Variants in PKN2 observed in about 807,000 individuals in gnomAD.
PKN2 encodes protein kinase N2, also known as serine/threonine-protein kinase N2.
In PKN2, 38 loss-of-function variants were observed where a neutral mutation model predicts 119.1. The observed-to-expected ratio is 0.32, with a 90% CI of 0.25 to 0.42. The LOEUF is 0.42. Among genes scored for constraint, PKN2 ranks in the 10% least tolerant of loss-of-function variants. PKN2 has a pLI of 1.00. For synonymous variants in PKN2, 390 were observed against 384.9 expected, an observed-to-expected ratio of 1.01 and a Z score of -0.15; for missense variants, 850 against 1,165.1, an observed-to-expected ratio of 0.73 and a Z score of 3.94.
intron 1 of PKN2, 143 bp downstream of exon 1, chr1:88,684,771 A>C (rs1666007302): frequency 1.5e-6 from 1 of 672,182 alleles, no homozygotes; most frequent in Non-Finnish European, 2.3e-6. Flanking sequence ...CACTCGGGAA[A>C]TGCTTCCCTC....
At chr1:88,792,657 AGGTTTTTGTGCC>A (rs1296937013) in intron 8 of PKN2, among the ~76,000 whole-genome samples, 1 of 152,166 alleles carries the variant, frequency 6.6e-6, no homozygotes, top group Non-Finnish European at 1.5e-5. Context: ...AAAAAATACA[AGGTTTTTGTGCC>A]TGCCGTCTTA....
intron 1 of PKN2, among the ~76,000 whole-genome samples, chr1:88,687,352 G>A (rs951754236): frequency 2.6e-5 from 4 of 152,056 alleles, no homozygotes; most frequent in African/African-American, 4.8e-5. Flanking sequence ...AATAAAAATC[G>A]GCTGTTTAAA....
chr1:88,763,607 C>CAAAAAAAAAAAAAAAAAAAAAAAAAAAA (rs34763457), intron 3 of PKN2, among the ~76,000 whole-genome samples: 1 of 103,402 alleles, frequency 9.7e-6, no homozygotes, highest in Non-Finnish European at 2.0e-5. Context: ...AACTCCATCT[C>CAAAAAAAAAAAAAAAAAAAAAAAAAAAA]AAAAAAAAAA....
intron 1 of PKN2, among the ~76,000 whole-genome samples, chr1:88,692,972 C>T (rs1220238039): frequency 6.6e-6 from 1 of 152,142 alleles, no homozygotes; most frequent in Non-Finnish European, 1.5e-5. Context: ...GATTTGTAAA[C>T]TATCCAAATG....
rs182893375 is a variant in PKN2, at chr1:88,721,044, T to C, written c.49-19944T>C. Among the ~76,000 whole-genome samples the C allele has an allele frequency of 1.4e-4, 22 of 152,272 alleles. No individual in the cohort carries two copies. The East Asian group carries it at 3.9e-3, about 27-fold the overall frequency. On this transcript the variant is annotated intron_variant, in intron 1 of 21. Coordinates refer to ENST00000370521, the MANE Select transcript of PKN2 (RefSeq NM_006256.4). Reference sequence around the variant, plus strand: ...GTTAATTGATGGGCATTTGGGCTGGTTCTGTATTTTTGTAATTGCAAATTG... The same window carrying C: ...GTTAATTGATGGGCATTTGGGCTGGCTCTGTATTTTTGTAATTGCAAATTG...
At chr1:88,789,620 G>A (rs10922488) in intron 8 of PKN2, among the ~76,000 whole-genome samples, 1,942 of 151,780 alleles carry the variant, frequency 0.013, 42 homozygotes, top group African/African-American at 0.044. Flanking sequence ...CTGAGATCAC[G>A]CCACTGCACT....
chr1:88,828,740 A>G (rs892407325), intron 19 of PKN2, 117 bp downstream of exon 19: 2 of 783,680 alleles, frequency 2.6e-6, no homozygotes, highest in Non-Finnish European at 3.9e-6. Context: ...AGTTTTATAA[A>G]TATTTATAGT....
intron 1 of PKN2, among the ~76,000 whole-genome samples, chr1:88,734,909 A>G (rs1668277305): frequency 2.0e-5 from 3 of 152,164 alleles, no homozygotes; most frequent in Admixed American, 6.5e-5. Flanking sequence ...TTTCTCCCAC[A>G]TTTGTAATTT....
At chr1:88,827,008 C>A (rs1447993442) in intron 18 of PKN2, among the ~76,000 whole-genome samples, 1 of 151,968 alleles carries the variant, frequency 6.6e-6, no homozygotes, top group Non-Finnish European at 1.5e-5. Flanking sequence ...GCTAATGTAT[C>A]TAATTGTGCC....
chr1:88,784,896 A>G (rs769653985), intron 7 of PKN2, 72 bp downstream of exon 7: 19 of 779,770 alleles, frequency 2.4e-5, no homozygotes, highest in Non-Finnish European at 3.7e-5. Flanking sequence ...TGAAGTGTTC[A>G]AGTTGGACAA....
chr1:88,758,777 C>T (rs1420866970), intron 2 of PKN2, among the ~76,000 whole-genome samples: 2 of 151,950 alleles, frequency 1.3e-5, no homozygotes, highest in African/African-American at 4.8e-5. Flanking sequence ...TTTCTTTATT[C>T]AGTCTGTCAT....
At chr1:88,821,703 C>T (rs1156293626) in intron 16 of PKN2, among the ~76,000 whole-genome samples, 1 of 152,202 alleles carries the variant, frequency 6.6e-6, no homozygotes, top group African/African-American at 2.4e-5. Context: ...CAAATGTCCC[C>T]TCTGAGGTTC....
chr1:88,760,581 G>C (rs976624288), intron 3 of PKN2, among the ~76,000 whole-genome samples: 1 of 152,084 alleles, frequency 6.6e-6, no homozygotes, highest in Non-Finnish European at 1.5e-5. Context: ...GTTCGAACAA[G>C]GTGATTTTGC....
intron 1 of PKN2, among the ~76,000 whole-genome samples, chr1:88,720,677 A>G (rs1168185863): frequency 6.6e-6 from 1 of 152,144 alleles, no homozygotes; most frequent in African/African-American, 2.4e-5. Context: ...GTGTTTGGTT[A>G]CATGGATAAG....
chr1:88,770,488 C>A lies in PKN2; in HGVS notation c.622+19C>A. 7.7e-7 allele frequency: 1 copy of A among 1,294,482 alleles called. No individual in the cohort carries two copies. Among genetic ancestry groups the A allele is most frequent in the East Asian group, 2.3e-5 (1 of 43,416 alleles). 80.2% of individuals were successfully genotyped at this position (1,294,482 alleles called of 1,614,324 possible). Reference sequence around the variant, plus strand: ...GATAATGGTGATGGAATAAATTGTCCTCCTTCTTATGAGCATAATGGTGCT... The same window carrying A: ...GATAATGGTGATGGAATAAATTGTCATCCTTCTTATGAGCATAATGGTGCT... On this transcript the variant is annotated intron_variant, in intron 4 of 21. Coordinates refer to ENST00000370521, the MANE Select transcript of PKN2 (RefSeq NM_006256.4).
At chr1:88,713,672 A>G (rs1667331064) in intron 1 of PKN2, among the ~76,000 whole-genome samples, 1 of 152,072 alleles carries the variant, frequency 6.6e-6, no homozygotes, top group South Asian at 2.1e-4. Flanking sequence ...TAGATTCTGG[A>G]TATTAGCCCT....
At chr1:88,714,984 C>A (rs7513622) in intron 1 of PKN2, among the ~76,000 whole-genome samples, 2 of 152,028 alleles carry the variant, frequency 1.3e-5, no homozygotes, top group Non-Finnish European at 2.9e-5. Flanking sequence ...TAGTATGAAG[C>A]GCTGTTGAAT....
intron 1 of PKN2, among the ~76,000 whole-genome samples, chr1:88,700,603 C>T (rs1413843422): frequency 1.3e-5 from 2 of 152,174 alleles, no homozygotes; most frequent in African/African-American, 4.8e-5. Flanking sequence ...AGATCATTCC[C>T]TTTTTGTCCA....
At chr1:88,783,057 G>A (rs1670417396) in intron 6 of PKN2, among the ~76,000 whole-genome samples, 1 of 152,164 alleles carries the variant, frequency 6.6e-6, no homozygotes, top group Non-Finnish European at 1.5e-5. Flanking sequence ...TTTCTTCAGT[G>A]CCTCATGAAT....
Sources: gnomAD v4.1 joint callset for allele counts (sites outside exome capture counted in the v4.1 genomes callset) on GRCh38, gnomAD v4.1.1 for gene constraint, MANE v1.5 for transcripts, NCBI Gene and HGNC (gene_info 2026-07-23, HGNC 2026-07-21) for gene names.